Variants in C10orf105 observed in about 807,000 individuals in gnomAD.
C10orf105 encodes uncharacterized protein C10orf105.
In C10orf105, 2 loss-of-function variants were observed where a neutral mutation model predicts 0.6. The observed-to-expected ratio is 3.18, with a 90% CI of 1.30 to 10.01. The LOEUF is 10.01. Among genes scored for constraint, C10orf105 ranks in the 30% most tolerant of loss-of-function variants. The pLI is 0.04. For synonymous variants in C10orf105, 95 were observed against 82.4 expected (o/e 1.15, Z -0.83); for missense variants, 209 against 191.4 (o/e 1.09, Z -0.54).
At chr10:71,727,259 C>T (rs1267517622) in intron 1 of C10orf105, among the ~76,000 whole-genome samples, 19 of 152,204 alleles carry the variant, frequency 1.2e-4, no homozygotes. Flanking sequence ...GGCTTCATGC[C>T]TTGGCAGCCA....
rs1313253229 is a variant in C10orf105, at chr10:71,714,086, C to T, written c.*1850G>A. ...TTCTCCCATTTCTCAGGGAGAAATG[C>T]AGCGTCTCAGGATGACTTCTCCAAG... On this transcript the variant is annotated 3_prime_UTR_variant, in exon 2 of 2. Coordinates refer to ENST00000441508, the MANE Select transcript of C10orf105 (RefSeq NM_001164375.3). 1 of 152,136 alleles carries T rather than the reference C, an allele frequency of 6.6e-6. No homozygotes were observed. Among genetic ancestry groups the T allele is most frequent in the Non-Finnish European group, 1.5e-5 (1 of 68,008 alleles). The allele number at this position is 152,136 out of a possible 1,614,324, so 9.4% of individuals were successfully genotyped here.
chr10:71,712,969 C>G lies in C10orf105; in HGVS notation c.*2967G>C. ...GGAAGGTGCTGTGGGGAAAGGGGGA[C>G]CCAGGCCCTCTCCCATCCCAGGGAG... On this transcript the variant is annotated 3_prime_UTR_variant, in exon 2 of 2. Transcript: ENST00000441508. 1.1e-6 allele frequency: 1 copy of G among 888,700 alleles called. No individual in the cohort carries two copies. Among genetic ancestry groups the G allele is most frequent in the Non-Finnish European group, 1.8e-6 (1 of 551,478 alleles). The allele number at this position is 888,700 out of a possible 1,614,324, so 55.1% of individuals were successfully genotyped here.
chr10:71,713,047 A>G lies in C10orf105; in HGVS notation c.*2889T>C. On this transcript the variant is annotated 3_prime_UTR_variant, in exon 2 of 2. Coordinates refer to ENST00000441508, the MANE Select transcript of C10orf105 (RefSeq NM_001164375.3). ...GATAGGGCTCTGGCTCCCCACAAAC[A>G]GGAGGAAGACTTGGCCTCCCCCTGC... 1 of 735,990 alleles carries G rather than the reference A, an allele frequency of 1.4e-6. No homozygotes were observed. Among genetic ancestry groups the G allele is most frequent in the Non-Finnish European group, 2.5e-6 (1 of 397,478 alleles). 45.6% of individuals were successfully genotyped at this position (735,990 alleles called of 1,614,324 possible). A position where few individuals can be genotyped will look rare whatever the true frequency, so the allele number is the denominator to read the frequency against.
intron 1 of C10orf105, among the ~76,000 whole-genome samples, chr10:71,729,418 G>A (rs1387393743): frequency 6.6e-6 from 1 of 152,166 alleles, no homozygotes; most frequent in African/African-American, 2.4e-5. Context: ...GTCCCCCAGG[G>A]AGCCCTAAAG....
rs768698323 is a variant in C10orf105, at chr10:71,734,227, C to T, written c.-6+3501G>A. Reference sequence around the variant, plus strand: ...CGATGTTGTCACTCACCCATCTGGCCCCTTCCCTGCAGGGTGTGATCACAG... The same window carrying T: ...CGATGTTGTCACTCACCCATCTGGCTCCTTCCCTGCAGGGTGTGATCACAG... On this transcript the variant is annotated intron_variant, in intron 1 of 1. Coordinates refer to the C10orf105 transcript ENST00000398786. The T allele has an allele frequency of 3.1e-6, 5 of 1,599,152 alleles. No individual in the cohort carries two copies. In the Admixed American group the frequency reaches 6.9e-5, roughly 22 times the overall value.
rs192319538 is a variant in C10orf105 at position 71,711,755 on chromosome 10, A to G, written c.*4181T>C. On this transcript the variant is annotated 3_prime_UTR_variant, in exon 2 of 2. Coordinates refer to ENST00000441508, the MANE Select transcript of C10orf105 (RefSeq NM_001164375.3). Reference sequence around the variant, plus strand: ...TAAAAGCTCAGATGTTCAATTTCTCATGAGAAATCAGAAGATCTGGTGTCT... The same window carrying G: ...TAAAAGCTCAGATGTTCAATTTCTCGTGAGAAATCAGAAGATCTGGTGTCT... The G allele has an allele frequency of 5.3e-5, 8 of 152,358 alleles. No individual in the cohort carries two copies. The East Asian group carries it at 9.6e-4, about 18-fold the overall frequency. The allele number at this position is 152,358 out of a possible 1,614,324, so 9.4% of individuals were successfully genotyped here. A position where few individuals can be genotyped will look rare whatever the true frequency, so the allele number is the denominator to read the frequency against.
rs1866025946 is a variant in C10orf105, at chr10:71,712,707, T to G, written c.*3229A>C. Reference sequence around the variant, plus strand: ...AAGCGACACACGGGCACAGCCACCGTGTTCGTCACTGTCCTGGATGTGAAT... The same window carrying G: ...AAGCGACACACGGGCACAGCCACCGGGTTCGTCACTGTCCTGGATGTGAAT... On this transcript the variant is annotated 3_prime_UTR_variant, in exon 2 of 2. Coordinates refer to ENST00000441508, the MANE Select transcript of C10orf105 (RefSeq NM_001164375.3). The G allele has an allele frequency of 6.2e-7, 1 of 1,613,732 alleles. No individual in the cohort carries two copies. Among genetic ancestry groups the G allele is most frequent in the East Asian group, 2.2e-5 (1 of 44,884 alleles).
upstream of C10orf105, among the ~76,000 whole-genome samples, chr10:71,722,140 T>G (rs1355886048): frequency 6.6e-6 from 1 of 152,180 alleles, no homozygotes; most frequent in African/African-American, 2.4e-5. Flanking sequence ...GAAAATCCAT[T>G]CTATATTATC....
chr10:71,731,862 G>A, intron 1 of C10orf105: 1 of 927,958 alleles, frequency 1.1e-6, no homozygotes, highest in Non-Finnish European at 1.6e-6. Flanking sequence ...GATCCTGCCG[G>A]CAGAGGTGGG....
chr10:71,725,413 C>T lies in C10orf105; in HGVS notation c.-5-9071G>A, dbSNP rs1866763573. The T allele has an allele frequency of 1.2e-6, 2 of 1,614,066 alleles. No individual in the cohort carries two copies. The highest frequency in any genetic ancestry group is 1.1e-5 in the South Asian group (1 of 91,092). The stretch of plus-strand genomic sequence containing the variant: ...CTTCCGGATCCATGTCAGCAATGGG[C>T]TCCTGATGCGAGGGCCCCGGCCCCT... On this transcript the variant is annotated intron_variant, in intron 1 of 1. Coordinates refer to the C10orf105 transcript ENST00000398786.
chr10:71,723,560 C>T (rs1323740398), upstream of C10orf105, among the ~76,000 whole-genome samples: 1 of 152,150 alleles, frequency 6.6e-6, no homozygotes, highest in Non-Finnish European at 1.5e-5. Flanking sequence ...CCTGGGCTTC[C>T]ACGAAGTGAC....
Position 71,713,112 on chromosome 10 carries a change from G to A in C10orf105, c.*2824C>T, listed in dbSNP as rs766653381. 25 of 773,758 alleles carry A rather than the reference G, an allele frequency of 3.2e-5. No individual in the cohort carries two copies. The highest frequency in any genetic ancestry group is 2.2e-4 in the Middle Eastern group (1 of 4,460). 47.9% of individuals were successfully genotyped at this position (773,758 alleles called of 1,614,324 possible). A position where few individuals can be genotyped will look rare whatever the true frequency, so the allele number is the denominator to read the frequency against. On this transcript the variant is annotated 3_prime_UTR_variant, in exon 2 of 2. Transcript: ENST00000441508. ...ACCCAGAAGGGCCTTTCAGAGTAGC[G>A]GGGAGAAAGAGACGTCACAATTTCC...
Position 71,712,973 on chromosome 10 carries a change from G to A in C10orf105, c.*2963C>T, listed in dbSNP as rs535011434. 5 of 872,732 alleles carry A rather than the reference G, an allele frequency of 5.7e-6. No individual in the cohort carries two copies. In the South Asian group the frequency reaches 5.9e-5, roughly 10 times the overall value. 54.1% of individuals were successfully genotyped at this position (872,732 alleles called of 1,614,324 possible). On this transcript the variant is annotated 3_prime_UTR_variant, in exon 2 of 2. Coordinates refer to ENST00000441508, the MANE Select transcript of C10orf105 (RefSeq NM_001164375.3). ...GGTGCTGTGGGGAAAGGGGGACCCA[G>A]GCCCTCTCCCATCCCAGGGAGTGTG...
At chr10:71,722,939 G>A (rs1168727483), upstream of C10orf105, among the ~76,000 whole-genome samples, 2 of 152,174 alleles carry the variant, frequency 1.3e-5, no homozygotes, top group African/African-American at 2.4e-5. Flanking sequence ...TTTACTGCTA[G>A]AAAGACTGAC....
At chr10:71,732,762 C>T in intron 1 of C10orf105, 1 of 1,062,104 alleles carries the variant, frequency 9.4e-7, no homozygotes, top group Non-Finnish European at 1.2e-6. Flanking sequence ...TGTTTTCACA[C>T]CCATCACAGA....
chr10:71,719,217 C>G (rs1022265897), intron 1 of C10orf105, among the ~76,000 whole-genome samples: 2 of 152,334 alleles, frequency 1.3e-5, no homozygotes, highest in African/African-American at 4.8e-5. Flanking sequence ...GCTGCCAGGC[C>G]CCTTGACACC....
chr10:71,726,760 G>A (rs1210038039), intron 1 of C10orf105, among the ~76,000 whole-genome samples: 1 of 152,242 alleles, frequency 6.6e-6, no homozygotes. Flanking sequence ...ACTGATGTCA[G>A]CGAAGCTGGG....
intron 1 of C10orf105, among the ~76,000 whole-genome samples, chr10:71,726,058 A>G (rs1424836327): frequency 6.6e-6 from 1 of 152,120 alleles, no homozygotes; most frequent in Non-Finnish European, 1.5e-5. Context: ...TGTGCAGCCA[A>G]AATCAAATCA....
intron 1 of C10orf105, chr10:71,725,355 T>C: frequency 4.3e-6 from 7 of 1,613,668 alleles, no homozygotes; most frequent in Non-Finnish European, 5.9e-6. Flanking sequence ...TTCCAGGGGG[T>C]CTGTCCCTCC....
Sources: allele counts gnomAD v4.1 joint callset (sites outside exome capture counted in the v4.1 genomes callset), GRCh38; gene constraint gnomAD v4.1.1; transcripts MANE v1.5; gene names NCBI Gene and HGNC (gene_info 2026-07-23, HGNC 2026-07-21).